Variants in LIG1 observed in about 807,000 individuals in gnomAD.
LIG1 encodes the protein ligase I, DNA, ATP-dependent.
In LIG1, 70 loss-of-function variants were observed where a neutral mutation model predicts 115.7. That is an observed-to-expected ratio of 0.60 (90% CI 0.50 to 0.74). The LOEUF (loss-of-function observed/expected upper bound fraction) is 0.74. LIG1 is among the 30% of genes least tolerant of loss of function. LIG1 has a pLI of 0.00. For missense variants in LIG1, 1,115 were observed against 1,225.6 expected, an observed-to-expected ratio of 0.91 and a Z score of 1.35; for synonymous variants, 487 against 495.3, an observed-to-expected ratio of 0.98 and a Z score of 0.22.
In LIG1 at chr19:48,143,935, C is replaced by T. The variant is rs201846395; in HGVS notation, c.805G>A (p.Ala269Thr). 17 of 1,614,026 alleles carry T rather than the reference C, an allele frequency of 1.1e-5. No individual in the cohort carries two copies. In the African/African-American group the frequency reaches 1.3e-4, roughly 13 times the overall value. ...TCCACGGGATGATAGTTGTTCTTGG[C>T]AGGATTGTAACCAGATGGATCCAGG... ...GPLDPSGYNPAKNNYHPVEDA... is the reference protein window; with the variant it reads ...GPLDPSGYNPTKNNYHPVEDA... The change falls in exon 10 of 28, where the codon GCC becomes ACC. Residue 269 changes from alanine (A) to threonine (T), a missense_variant. Transcript: ENST00000263274.
At chr19:48,156,023 C>T (rs927096402) in intron 5 of LIG1, among the ~76,000 whole-genome samples, 2 of 152,186 alleles carry the variant, frequency 1.3e-5, no homozygotes, top group South Asian at 2.1e-4. Flanking sequence ...CCCCGCATTA[C>T]GAATGGGTCT....
In LIG1 at chr19:48,141,209, G is replaced by A. The variant is rs545058012; in HGVS notation, c.915-1066C>T. 5.9e-5 allele frequency among the ~76,000 whole-genome samples: 9 copies of A among 152,284 alleles called. No individual in the cohort carries two copies. The East Asian group carries it at 1.2e-3, about 20-fold the overall frequency. ...AGGTAGAGTGCAGTGGCACGATCTC[G>A]GCTCGCTGCAACCTCCACCTTGTGG... On this transcript the variant is annotated intron_variant, in intron 11 of 27. Coordinates refer to ENST00000263274, the MANE Select transcript of LIG1 (RefSeq NM_000234.3).
chr19:48,117,502 C>G, intron 26 of LIG1, 136 bp downstream of exon 26: 1 of 1,009,006 alleles, frequency 9.9e-7, no homozygotes, highest in Non-Finnish European at 1.5e-6. Flanking sequence ...ATCTGACACT[C>G]AAATAAAATG....
rs372193063 is a variant in LIG1 at position 48,130,107 on chromosome 19, G to T, written c.1821+969C>A. Among the ~76,000 whole-genome samples the T allele has an allele frequency of 2.6e-5, 4 of 152,286 alleles. No individual in the cohort carries two copies. In the South Asian group the frequency reaches 8.3e-4, roughly 32 times the overall value. On this transcript the variant is annotated intron_variant, in intron 19 of 27. Coordinates refer to ENST00000263274, the MANE Select transcript of LIG1 (RefSeq NM_000234.3). ...GGAAATATTTTATACATTCATTGGG[G>T]TGTCGGTTACTTGGGTGTATGAACT...
intron 2 of LIG1, among the ~76,000 whole-genome samples, chr19:48,165,314 C>A (rs1057335773): frequency 1.3e-5 from 2 of 152,124 alleles, no homozygotes; most frequent in African/African-American, 4.8e-5. Context: ...AAAATTGCTG[C>A]TGACTGAGAA....
intron 18 of LIG1, 71 bp from the exon 19 acceptor site, chr19:48,131,242 C>T: frequency 9.2e-7 from 1 of 1,088,030 alleles, no homozygotes; most frequent in Non-Finnish European, 1.4e-6. Flanking sequence ...CTCTTCTGAC[C>T]CCACCTGCAC....
intron 21 of LIG1, among the ~76,000 whole-genome samples, chr19:48,125,945 G>GC (rs957524832): frequency 2.0e-4 from 29 of 143,726 alleles, no homozygotes; most frequent in Middle Eastern, 4.2e-3. Flanking sequence ...CTGAGATCAT[G>GC]CCACTGCACT....
chr19:48,162,710 A>G (rs1048667927), intron 2 of LIG1, among the ~76,000 whole-genome samples: 5 of 151,802 alleles, frequency 3.3e-5, no homozygotes, highest in African/African-American at 9.7e-5. Context: ...TTACAGGCAT[A>G]AGCCACCGCG....
intron 21 of LIG1, among the ~76,000 whole-genome samples, chr19:48,125,601 C>A (rs114814455): frequency 0.011 from 1,729 of 152,224 alleles, 29 homozygotes; most frequent in African/African-American, 0.039. Context: ...ATGCACGCGG[C>A]CAACAAACCT....
chr19:48,167,007 A>G (rs2036521374), intron 1 of LIG1, among the ~76,000 whole-genome samples: 1 of 150,718 alleles, frequency 6.6e-6, no homozygotes, highest in Non-Finnish European at 1.5e-5. Context: ...AAAAGAAAAG[A>G]AAGGGTTCTT....
chr19:48,138,941 G>A (rs1452406475), intron 12 of LIG1, among the ~76,000 whole-genome samples: 9 of 152,258 alleles, frequency 5.9e-5, no homozygotes, highest in Admixed American at 2.0e-4. Flanking sequence ...CCATAAGCCC[G>A]TAACTCTTTC....
chr19:48,151,259 T>A lies in LIG1; in HGVS notation c.547A>T (p.Thr183Ser). The change falls in exon 7 of 28, where the codon ACG becomes TCG. Residue 183 changes from threonine (T) to serine (S), a missense_variant. By Grantham distance (58) the Thr-to-Ser change is moderately conservative. Transcript: ENST00000263274. Reference protein sequence around the residue: ...KEGEDGDQPTTPPKPLKTSKA... With the variant: ...KEGEDGDQPTSPPKPLKTSKA... ...GAGGTCTTTAGGGGCTTGGGAGGCG[T>A]GGTGGGCTGGTCCCCGTCTTCTCCT... 1.2e-6 allele frequency: 2 copies of A among 1,613,470 alleles called. No homozygotes were observed. Among genetic ancestry groups the A allele is most frequent in the Admixed American group, 3.3e-5 (2 of 59,976 alleles).
At chr19:48,148,741 G>A (rs931812953) in intron 9 of LIG1, among the ~76,000 whole-genome samples, 1 of 152,180 alleles carries the variant, frequency 6.6e-6, no homozygotes, top group Admixed American at 6.5e-5. Flanking sequence ...CCAGTCTTCA[G>A]TGCGGCCTCC....
rs752122772 is a variant in LIG1, at chr19:48,143,605, G to C, written c.858-6C>G. 13 of 1,611,192 alleles carry C rather than the reference G, an allele frequency of 8.1e-6. No individual in the cohort carries two copies. In the South Asian group the frequency reaches 1.3e-4, roughly 16 times the overall value. On this transcript the variant is annotated splice_polypyrimidine_tract_variant and splice_region_variant and intron_variant, in intron 10 of 27. Transcript: ENST00000263274. ...CCACAGCCAGGTAAGGAACCCTAGGGAAGGAAAAGAGACGCAAGAGTGACA... is the reference window on the plus strand; with the variant it reads ...CCACAGCCAGGTAAGGAACCCTAGGCAAGGAAAAGAGACGCAAGAGTGACA...
intron 4 of LIG1, among the ~76,000 whole-genome samples, chr19:48,160,720 T>A (rs1293093690): frequency 6.6e-6 from 1 of 151,810 alleles, no homozygotes; most frequent in Non-Finnish European, 1.5e-5. Flanking sequence ...GATATACTTT[T>A]GAACCCTTAT....
intron 2 of LIG1, among the ~76,000 whole-genome samples, chr19:48,164,586 C>A (rs34115345): frequency 0.17 from 25,491 of 152,158 alleles, 2,520 homozygotes; most frequent in African/African-American, 0.28. Context: ...CTCTAACACC[C>A]TCTTTCCAAG....
chr19:48,116,548 A>C (rs1011489552), intron 26 of LIG1, among the ~76,000 whole-genome samples: 1 of 151,982 alleles, frequency 6.6e-6, no homozygotes, highest in Non-Finnish European at 1.5e-5. Flanking sequence ...TGGGTTCTAG[A>C]ATCTGACTGT....
At position 48,137,710 on chromosome 19, in the gene LIG1, G is replaced by C; in HGVS notation, c.1088-22C>G. On this transcript the variant is annotated intron_variant, in intron 12 of 27. Transcript: ENST00000263274. The surrounding 1 kb of genome is among the most constrained non-coding windows in gnomAD (Gnocchi z 4.3). The stretch of plus-strand genomic sequence containing the variant: ...CGACCTTCAGGGGAGAGCGCGGGTG[G>C]GGGTGTCGAGGGTGACAGTTGTGGC... 3.1e-6 allele frequency: 5 copies of C among 1,599,910 alleles called. No individual in the cohort carries two copies. Among genetic ancestry groups the C allele is most frequent in the Non-Finnish European group, 4.2e-6 (5 of 1,179,506 alleles).
At position 48,118,233 on chromosome 19, in the gene LIG1, C is replaced by T. The variant is rs146990199; in HGVS notation, c.2440-452G>A. On this transcript the variant is annotated intron_variant, in intron 25 of 27. Transcript: ENST00000263274. ...GTGGGACAGAGATGGTGTCAGGGTC[C>T]GTGTGTCCCCACCCACATCTTGTCT... Among the ~76,000 whole-genome samples the T allele has an allele frequency of 9.3e-4, 141 of 152,242 alleles. 5 individuals are homozygous for T. Among genetic ancestry groups the T allele is most frequent in the Middle Eastern group, 3.4e-3 (1 of 294 alleles).
Sources: gnomAD v4.1 joint callset for allele counts (sites outside exome capture counted in the v4.1 genomes callset) on GRCh38, gnomAD v4.1.1 for gene constraint, Gnocchi (gnomAD v3.1) non-coding constraint, MANE v1.5 for transcripts, NCBI Gene and HGNC (gene_info 2026-07-23, HGNC 2026-07-21) for gene names.